Variants in TMEM132D observed in about 807,000 individuals in gnomAD.
TMEM132D encodes mature OL transmembrane protein.
A neutral mutation model predicts 62.3 loss-of-function variants in TMEM132D; 21 were observed. The observed-to-expected ratio is 0.34, with a 90% CI of 0.24 to 0.49. The LOEUF is 0.49. TMEM132D is among the 20% of genes least tolerant of loss of function. The pLI is 0.99. For missense variants in TMEM132D, 1,346 were observed against 1,402.8 expected (o/e 0.96, Z 0.65); for synonymous variants, 621 against 575.6 (o/e 1.08, Z -1.13).
chr12:129,101,082 C>T (rs1164836581), intron 5 of TMEM132D, among the ~76,000 whole-genome samples: 1 of 151,414 alleles, frequency 6.6e-6, no homozygotes, highest in African/African-American at 2.4e-5. Flanking sequence ...GCAGTGCAGT[C>T]GGCGGCAGAG....
chr12:129,105,976 A>G (rs1411774937), intron 5 of TMEM132D, among the ~76,000 whole-genome samples: 1 of 151,816 alleles, frequency 6.6e-6, no homozygotes, highest in African/African-American at 2.4e-5. Flanking sequence ...ATGTATGTTT[A>G]TTGTGGCACT....
chr12:129,630,420 T>C (rs1212377930), intron 2 of TMEM132D, among the ~76,000 whole-genome samples: 2 of 140,826 alleles, frequency 1.4e-5, no homozygotes, highest in Non-Finnish European at 3.2e-5. Flanking sequence ...CATTTTCACA[T>C]TCTTGATATG....
intron 3 of TMEM132D, among the ~76,000 whole-genome samples, chr12:129,437,231 C>A (rs1038993565): frequency 4.6e-5 from 7 of 152,048 alleles, no homozygotes; most frequent in Admixed American, 6.6e-5. Context: ...CAGTTGGGAA[C>A]GGAGCAACTA....
At chr12:129,551,636 C>G (rs1876902398) in intron 2 of TMEM132D, among the ~76,000 whole-genome samples, 1 of 152,266 alleles carries the variant, frequency 6.6e-6, no homozygotes, top group East Asian at 1.9e-4. Context: ...TAAACAGTGC[C>G]TGATTTCTTC....
At chr12:129,582,151 A>G (rs1328219033) in intron 2 of TMEM132D, among the ~76,000 whole-genome samples, 2 of 152,248 alleles carry the variant, frequency 1.3e-5, no homozygotes, top group African/African-American at 2.4e-5. Context: ...TGACTTACAC[A>G]TCACAGTCCA....
chr12:129,811,425 GATACTCCGGGACCAC>G (rs1872176729), intron 1 of TMEM132D, among the ~76,000 whole-genome samples: 1 of 151,552 alleles, frequency 6.6e-6, no homozygotes, highest in African/African-American at 2.4e-5. Context: ...CAGTGATCCG[GATACTCCGGGACCAC>G]ATTCTCAGGG....
chr12:129,774,894 G>A (rs1443561642), intron 1 of TMEM132D, among the ~76,000 whole-genome samples: 3 of 152,138 alleles, frequency 2.0e-5, no homozygotes, highest in South Asian at 4.1e-4. Flanking sequence ...TCTGTGACTC[G>A]GTTTCCCCAG....
At chr12:129,296,929 T>G (rs1010219608) in intron 4 of TMEM132D, among the ~76,000 whole-genome samples, 7 of 152,236 alleles carry the variant, frequency 4.6e-5, no homozygotes, top group Admixed American at 2.0e-4. Context: ...AAAGGAATGC[T>G]TCTCAGAACT....
intron 2 of TMEM132D, among the ~76,000 whole-genome samples, chr12:129,570,038 C>T (rs1877468981): frequency 6.6e-6 from 1 of 152,084 alleles, no homozygotes. Context: ...AGTGATGGAA[C>T]CAATTTTTGG....
At chr12:129,102,391 TAC>T (rs1875339363) in intron 5 of TMEM132D, among the ~76,000 whole-genome samples, 1 of 150,212 alleles carries the variant, frequency 6.7e-6, no homozygotes, top group South Asian at 2.1e-4. Context: ...GACACATGCA[TAC>T]ACACACAATG....
At chr12:129,236,963 T>C (rs1224316549) in intron 4 of TMEM132D, among the ~76,000 whole-genome samples, 6 of 152,250 alleles carry the variant, frequency 3.9e-5, no homozygotes, top group Admixed American at 2.0e-4. Context: ...AATTGTTTTT[T>C]CCTGCATCTT....
At position 129,720,637 on chromosome 12, in the gene TMEM132D, G is replaced by A. The variant is rs184110411; in HGVS notation, c.80-19939C>T. The stretch of plus-strand genomic sequence containing the variant: ...TGGCACAATCTGGTTTACAGAAAGG[G>A]GCTGCAGATGTACCTCCTACATTAG... On this transcript the variant is annotated intron_variant, in intron 1 of 8. Coordinates refer to ENST00000422113, the MANE Select transcript of TMEM132D (RefSeq NM_133448.3). 2.6e-5 allele frequency among the ~76,000 whole-genome samples: 4 copies of A among 152,180 alleles called. 1 individual carries two copies. The highest frequency in any genetic ancestry group is 6.5e-5 in the Admixed American group (1 of 15,284).
intron 5 of TMEM132D, among the ~76,000 whole-genome samples, chr12:129,153,195 C>T (rs1018543648): frequency 6.6e-6 from 1 of 152,256 alleles, no homozygotes; most frequent in East Asian, 1.9e-4. Context: ...TTGCTCCACA[C>T]ACCTATTTTG....
intron 1 of TMEM132D, among the ~76,000 whole-genome samples, chr12:129,759,360 CG>C (rs1466485832): frequency 6.6e-6 from 1 of 152,136 alleles, no homozygotes; most frequent in Non-Finnish European, 1.5e-5. Flanking sequence ...TTGATAAGAG[CG>C]TAAATTAGGA....
At chr12:129,807,800 T>C (rs1872040684) in intron 1 of TMEM132D, among the ~76,000 whole-genome samples, 1 of 152,170 alleles carries the variant, frequency 6.6e-6, no homozygotes, top group Non-Finnish European at 1.5e-5. Context: ...CTAATAGCCA[T>C]TCACGTCCAG....
chr12:129,247,961 C>T (rs191617776), intron 4 of TMEM132D, among the ~76,000 whole-genome samples: 1 of 151,874 alleles, frequency 6.6e-6, no homozygotes, highest in Admixed American at 6.6e-5. Context: ...GGCAATTATA[C>T]CTTAATAGAT....
At chr12:129,808,202 A>T (rs948766703) in intron 1 of TMEM132D, among the ~76,000 whole-genome samples, 1 of 152,218 alleles carries the variant, frequency 6.6e-6, no homozygotes. Context: ...CGTCAACACC[A>T]TTCTCTCTCA....
chr12:129,304,604 C>T (rs935593418), intron 4 of TMEM132D, among the ~76,000 whole-genome samples: 10 of 151,266 alleles, frequency 6.6e-5, no homozygotes, highest in African/African-American at 1.9e-4. Flanking sequence ...CCCATTTATA[C>T]GGCGGCATCT....
At chr12:129,491,452 G>T (rs1874793586) in intron 3 of TMEM132D, among the ~76,000 whole-genome samples, 1 of 152,200 alleles carries the variant, frequency 6.6e-6, no homozygotes, top group African/African-American at 2.4e-5. Context: ...CTTGCGGATG[G>T]AGGATGGGGT....
Sources: allele counts gnomAD v4.1 joint callset (sites outside exome capture counted in the v4.1 genomes callset), GRCh38; gene constraint gnomAD v4.1.1; transcripts MANE v1.5; gene names NCBI Gene and HGNC (gene_info 2026-07-23, HGNC 2026-07-21).